Variants in FMN1 observed in about 807,000 individuals in gnomAD.
FMN1 encodes formin 1.
Under a neutral mutation model 132.4 loss-of-function variants are expected in FMN1, and 110 were observed. The ratio of observed to expected loss-of-function variants is 0.83; its 90% CI spans 0.71 to 0.97. The LOEUF (loss-of-function observed/expected upper bound fraction) is 0.97, where lower values mean the gene tolerates loss of function less well. Ranked by LOEUF, FMN1 falls within the 50% of genes least tolerant of loss-of-function variation. The pLI is 0.00. For missense variants in FMN1, 1,792 were observed against 1,705.3 expected, an observed-to-expected ratio of 1.05 and a Z score of -0.90; for synonymous variants, 722 against 651.7, an observed-to-expected ratio of 1.11 and a Z score of -1.64.
chr15:32,777,440 T>C (rs2056456007), intron 19 of FMN1, among the ~76,000 whole-genome samples: 1 of 135,098 alleles, frequency 7.4e-6, no homozygotes, highest in Admixed American at 8.4e-5. Flanking sequence ...TCAAAAAATA[T>C]ATTTATATAT....
chr15:33,052,189 C>G (rs956719418), intron 6 of FMN1, among the ~76,000 whole-genome samples: 2 of 152,174 alleles, frequency 1.3e-5, no homozygotes, highest in African/African-American at 2.4e-5. Context: ...CACATGAATA[C>G]TATACATAAC....
chr15:32,952,103 T>C (rs1038298653), intron 9 of FMN1, among the ~76,000 whole-genome samples: 3 of 152,204 alleles, frequency 2.0e-5, no homozygotes, highest in South Asian at 2.1e-4. Flanking sequence ...GGCTCATCCT[T>C]TCCTGCAGTG....
chr15:33,089,840 A>G (rs915130779), intron 4 of FMN1, among the ~76,000 whole-genome samples: 5 of 152,206 alleles, frequency 3.3e-5, no homozygotes, highest in Non-Finnish European at 5.9e-5. Context: ...TATGTGTTCT[A>G]TAACAAAAGG....
chr15:32,855,238 G>T lies in FMN1; in HGVS notation c.3928+1777C>A, dbSNP rs1050797546. 1.1e-4 allele frequency among the ~76,000 whole-genome samples: 16 copies of T among 151,712 alleles called. No homozygotes were observed. The East Asian group carries it at 3.1e-3, about 29-fold the overall frequency. On this transcript the variant is annotated intron_variant, in intron 17 of 20. Transcript: ENST00000616417. ...CCACCCTGAGAGATGCTGATGATGGGTCTAGAGTTGGGCCCGGGTATCAAG... is the reference window on the plus strand; with the variant it reads ...CCACCCTGAGAGATGCTGATGATGGTTCTAGAGTTGGGCCCGGGTATCAAG...
intron 12 of FMN1, among the ~76,000 whole-genome samples, chr15:32,907,236 C>A (rs1196846849): frequency 2.6e-5 from 4 of 152,184 alleles, no homozygotes; most frequent in Non-Finnish European, 4.4e-5. Context: ...AATTATACAA[C>A]TCACCATAAT....
At chr15:32,840,356 A>G (rs58150791) in intron 17 of FMN1, among the ~76,000 whole-genome samples, 6,218 of 152,206 alleles carry the variant, frequency 0.041, 422 homozygotes, top group African/African-American at 0.13. Context: ...GAGCCATGAT[A>G]TGATATTATT....
Position 32,810,916 on chromosome 15 carries a change from A to G in FMN1, c.3929-6584T>C, listed in dbSNP as rs11856741. 3,523 of 454,888 alleles carry G rather than the reference A, an allele frequency of 7.7e-3. 64 individuals carry two copies. Among genetic ancestry groups the G allele is most frequent in the African/African-American group, 0.031 (1,570 of 50,080 alleles). The allele number at this position is 454,888 out of a possible 1,614,324, so 28.2% of individuals were successfully genotyped here. A position where few individuals can be genotyped will look rare whatever the true frequency, so the allele number is the denominator to read the frequency against. The stretch of plus-strand genomic sequence containing the variant: ...ACAGTTAAGAAGTTGTTTTTATTAC[A>G]GCTCTACAAATATGGGAGCCGGGTG... On this transcript the variant is annotated intron_variant, in intron 17 of 20. Coordinates refer to ENST00000616417, the MANE Select transcript of FMN1 (RefSeq NM_001277313.2).
intron 5 of FMN1, among the ~76,000 whole-genome samples, chr15:33,078,819 CT>C (rs200899951): frequency 2.3e-4 from 35 of 152,132 alleles, no homozygotes; most frequent in African/African-American, 7.7e-4. Context: ...GAAAAAAATG[CT>C]TTTTTGAAAG....
chr15:33,143,397 T>G (rs1294207172), intron 4 of FMN1, among the ~76,000 whole-genome samples: 1 of 152,212 alleles, frequency 6.6e-6, no homozygotes, highest in African/African-American at 2.4e-5. Flanking sequence ...ATCCATCCAT[T>G]TATTCATTCA....
At chr15:33,003,888 C>T (rs925484575) in intron 7 of FMN1, among the ~76,000 whole-genome samples, 15 of 152,054 alleles carry the variant, frequency 9.9e-5, no homozygotes, top group Admixed American at 2.0e-4. Flanking sequence ...GAAATAATGC[C>T]GCATATCTAC....
chr15:33,186,406 C>T (rs114439112), intron 2 of FMN1, among the ~76,000 whole-genome samples: 2,941 of 152,006 alleles, frequency 0.019, 98 homozygotes, highest in African/African-American at 0.067. Flanking sequence ...TGTTTAGCCT[C>T]GAAAATCCTA....
chr15:32,846,443 G>A (rs1457320286), intron 17 of FMN1, among the ~76,000 whole-genome samples: 3 of 151,870 alleles, frequency 2.0e-5, no homozygotes, highest in East Asian at 1.9e-4. Context: ...ACATTTATGC[G>A]GCCAACAAAC....
intron 6 of FMN1, among the ~76,000 whole-genome samples, chr15:33,027,756 A>AAC (rs757987776): frequency 2.0e-5 from 3 of 152,132 alleles, no homozygotes; most frequent in South Asian, 2.1e-4. Flanking sequence ...AAATGGAGAC[A>AAC]ACACACACAC....
chr15:32,997,099 A>G (rs889995709), intron 7 of FMN1, among the ~76,000 whole-genome samples: 1 of 152,214 alleles, frequency 6.6e-6, no homozygotes, highest in Non-Finnish European at 1.5e-5. Context: ...TCTAAGATAA[A>G]TACAGGCAAA....
At chr15:32,852,726 A>G (rs1253236472) in intron 17 of FMN1, among the ~76,000 whole-genome samples, 1 of 152,242 alleles carries the variant, frequency 6.6e-6, no homozygotes, top group African/African-American at 2.4e-5. Context: ...CACAACAAAA[A>G]GCAAAGAGAT....
intron 6 of FMN1, among the ~76,000 whole-genome samples, chr15:33,056,059 A>G (rs893510785): frequency 6.6e-6 from 1 of 152,198 alleles, no homozygotes; most frequent in Non-Finnish European, 1.5e-5. Flanking sequence ...ACCAAATGAC[A>G]AGAATGCGGA....
intron 7 of FMN1, among the ~76,000 whole-genome samples, chr15:32,984,335 CAGAT>C (rs2032914444): frequency 6.6e-6 from 1 of 152,248 alleles, no homozygotes; most frequent in South Asian, 2.1e-4. Flanking sequence ...ACCTATCAAA[CAGAT>C]AGTCTGTCCC....
At chr15:32,918,667 C>T (rs2060743839) in intron 10 of FMN1, among the ~76,000 whole-genome samples, 1 of 152,146 alleles carries the variant, frequency 6.6e-6, no homozygotes, top group African/African-American at 2.4e-5. Flanking sequence ...CAAAACTTCC[C>T]CTTCTATATC....
rs1333581285 is a variant in FMN1, at chr15:33,152,800, A to AAAAAAAAAG, written c.1867+247_1867+248insCTTTTTTTT. On this transcript the variant is annotated intron_variant, in intron 4 of 20. Coordinates refer to ENST00000616417, the MANE Select transcript of FMN1 (RefSeq NM_001277313.2). The stretch of plus-strand genomic sequence containing the variant: ...CTTTAGAGGATGCCAAAAAAAAAAA[A>AAAAAAAAAG]AAAGAAAGAAATAAAAGACATTCAC... Among the ~76,000 whole-genome samples, 9 of 151,220 alleles carry AAAAAAAAAG rather than the reference A, an allele frequency of 6.0e-5. No homozygotes were observed. In the East Asian group the frequency reaches 7.7e-4, roughly 13 times the overall value.
Sources: allele counts gnomAD v4.1 joint callset (sites outside exome capture counted in the v4.1 genomes callset), GRCh38; gene constraint gnomAD v4.1.1; transcripts MANE v1.5; gene names NCBI Gene and HGNC (gene_info 2026-07-23, HGNC 2026-07-21).